The following SULT2A1 variants were observed in gnomAD, a reference collection of about 807,000 sequenced individuals.
SULT2A1 encodes the protein sulfotransferase 2A1.
A neutral mutation model predicts 33.9 loss-of-function variants in SULT2A1; 43 were observed. The observed-to-expected ratio is 1.27, with a 90% CI of 1.00 to 1.64. SULT2A1 has a LOEUF of 1.64. Among genes scored for constraint, SULT2A1 ranks in the 40% most tolerant of loss-of-function variants. The pLI is 0.00. For synonymous variants in SULT2A1, 125 were observed against 113.6 expected (o/e 1.10, Z -0.64); for missense variants, 300 against 335.1 (o/e 0.90, Z 0.82).
intron 1 of SULT2A1, among the ~76,000 whole-genome samples, chr19:47,884,104 C>CA (rs532247197): frequency 0.016 from 1,906 of 116,004 alleles, 26 homozygotes; most frequent in African/African-American, 0.046. Flanking sequence ...GACTCAGTCT[C>CA]AAAAAAAAAA....
intron 5 of SULT2A1, among the ~76,000 whole-genome samples, chr19:47,873,855 C>T (rs1968516988): frequency 6.6e-6 from 1 of 150,942 alleles, no homozygotes; most frequent in South Asian, 2.1e-4. Context: ...GATCTCCTGA[C>T]CTTGTGATCC....
intron 4 of SULT2A1, among the ~76,000 whole-genome samples, chr19:47,876,250 A>C (rs940858182): frequency 2.9e-4 from 44 of 152,154 alleles, no homozygotes; most frequent in African/African-American, 1.0e-3. Context: ...TCCTGAGCTC[A>C]GGTGATCTGC....
At position 47,871,149 on chromosome 19, in the gene SULT2A1, T is replaced by A; in HGVS notation, c.*306A>T. 5.4e-6 allele frequency: 1 copy of A among 185,512 alleles called. No individual in the cohort carries two copies. The allele number at this position is 185,512 out of a possible 1,614,324, so 11.5% of individuals were successfully genotyped here. A position where few individuals can be genotyped will look rare whatever the true frequency, so the allele number is the denominator to read the frequency against. On this transcript the variant is annotated 3_prime_UTR_variant, in exon 6 of 6. Coordinates refer to ENST00000222002, the MANE Select transcript of SULT2A1 (RefSeq NM_003167.4). Reference sequence around the variant, plus strand: ...GACATGAGCCAATGCGCCTGGCTAATTTTTTTTGGTTTTTGTATTTTTAGT... The same window carrying A: ...GACATGAGCCAATGCGCCTGGCTAAATTTTTTTGGTTTTTGTATTTTTAGT...
At chr19:47,884,298 A>G (rs1438048930) in intron 1 of SULT2A1, among the ~76,000 whole-genome samples, 2 of 150,412 alleles carry the variant, frequency 1.3e-5, no homozygotes, top group Non-Finnish European at 3.0e-5. Context: ...CAGCCTCCCA[A>G]GTAGCTGGGA....
intron 3 of SULT2A1, among the ~76,000 whole-genome samples, chr19:47,881,252 T>C (rs1271399903): frequency 6.6e-6 from 1 of 152,034 alleles, no homozygotes. Context: ...GCCAGGCTGG[T>C]CTCGAACTCC....
chr19:47,883,647 C>A lies in SULT2A1; in HGVS notation c.275G>T (p.Ser92Ile), dbSNP rs1260309562. ...IGYTALSETE[S>I]PRLFSSHLPI... Reference sequence around the variant, plus strand: ...GAGGTGGGAGGAGAATAAACGTGGACTCTCCGTTTCACTGAGTGCTGTATA... The same window carrying A: ...GAGGTGGGAGGAGAATAAACGTGGAATCTCCGTTTCACTGAGTGCTGTATA... The change falls in exon 2 of 6, where the codon AGT becomes ATT. Residue 92 changes from serine (S) to isoleucine (I), a missense_variant. By Grantham distance (142) the Ser-to-Ile change is moderately radical. Coordinates refer to ENST00000222002, the MANE Select transcript of SULT2A1 (RefSeq NM_003167.4). 7 of 1,614,066 alleles carry A rather than the reference C, an allele frequency of 4.3e-6. No individual in the cohort carries two copies. The highest frequency in any genetic ancestry group is 5.9e-6 in the Non-Finnish European group (7 of 1,180,014).
At chr19:47,878,924 C>T (rs1422739443) in intron 4 of SULT2A1, 112 bp downstream of exon 4, 1 of 757,678 alleles carries the variant, frequency 1.3e-6, no homozygotes. Flanking sequence ...CTTCACCAGG[C>T]TCCACTTTAA....
chr19:47,871,293 C>T lies in SULT2A1; in HGVS notation c.*162G>A, dbSNP rs983470507. The stretch of plus-strand genomic sequence containing the variant: ...GCATGAACCACCGTGCCTGGCCAAC[C>T]CTGGTAACTTTTAACAAGGAAGGGA... On this transcript the variant is annotated 3_prime_UTR_variant, in exon 6 of 6. Transcript: ENST00000222002. 4.8e-6 allele frequency: 3 copies of T among 621,682 alleles called. No individual in the cohort carries two copies. The highest frequency in any genetic ancestry group is 8.4e-6 in the Non-Finnish European group (3 of 359,268). The allele number at this position is 621,682 out of a possible 1,614,324, so 38.5% of individuals were successfully genotyped here. A position where few individuals can be genotyped will look rare whatever the true frequency, so the allele number is the denominator to read the frequency against.
In SULT2A1 at chr19:47,871,126, C is replaced by T. The variant is rs532942142; in HGVS notation, c.*329G>A. 4 of 190,410 alleles carry T rather than the reference C, an allele frequency of 2.1e-5. No individual in the cohort carries two copies. In the South Asian group the frequency reaches 4.2e-4, roughly 20 times the overall value. 11.8% of individuals were successfully genotyped at this position (190,410 alleles called of 1,614,324 possible). A position where few individuals can be genotyped will look rare whatever the true frequency, so the allele number is the denominator to read the frequency against. ...CCTCCCAAAGTGCTGGGATTACAGA[C>T]ATGAGCCAATGCGCCTGGCTAATTT... is the stretch of plus-strand genomic sequence containing the variant. On this transcript the variant is annotated 3_prime_UTR_variant, in exon 6 of 6. Transcript: ENST00000222002.
chr19:47,877,282 G>T (rs1335664247), intron 4 of SULT2A1, among the ~76,000 whole-genome samples: 1 of 150,520 alleles, frequency 6.6e-6, no homozygotes, highest in East Asian at 2.0e-4. Context: ...TGTTGCCCAG[G>T]CTGGAGTGCA....
Position 47,882,229 on chromosome 19 carries a change from A to AT in SULT2A1, c.346-20_346-19insA. On this transcript the variant is annotated intron_variant, in intron 2 of 5. Transcript: ENST00000222002. ...AAATCACCTTAAATGGAAAAACGGG[A>AT]GAATGAAAAATCAATACAGTCAATC... is the stretch of plus-strand genomic sequence containing the variant. 1 of 1,604,234 alleles carries AT rather than the reference A, an allele frequency of 6.2e-7. No individual in the cohort carries two copies.
At chr19:47,880,655 C>T (rs1300612739) in intron 3 of SULT2A1, among the ~76,000 whole-genome samples, 1 of 151,790 alleles carries the variant, frequency 6.6e-6, no homozygotes, top group Non-Finnish European at 1.5e-5. Flanking sequence ...GGAGTGATCT[C>T]GGCTCGCTGC....
chr19:47,870,915 C>T lies in SULT2A1; in HGVS notation c.*540G>A, dbSNP rs1411373590. On this transcript the variant is annotated 3_prime_UTR_variant, in exon 6 of 6. Coordinates refer to ENST00000222002, the MANE Select transcript of SULT2A1 (RefSeq NM_003167.4). ...CTGGAGTGCAGTGGCGCGATCTTGGCTCATTGCAACCTCTGCCTCCTGAGT... is the reference window on the plus strand; with the variant it reads ...CTGGAGTGCAGTGGCGCGATCTTGGTTCATTGCAACCTCTGCCTCCTGAGT... The T allele has an allele frequency of 6.8e-6, 1 of 147,612 alleles. No individual in the cohort carries two copies. Among genetic ancestry groups the T allele is most frequent in the African/African-American group, 2.4e-5 (1 of 41,090 alleles). The allele number at this position is 147,612 out of a possible 1,614,324, so 9.1% of individuals were successfully genotyped here. A position where few individuals can be genotyped will look rare whatever the true frequency, so the allele number is the denominator to read the frequency against.
intron 4 of SULT2A1, among the ~76,000 whole-genome samples, chr19:47,875,427 C>T (rs941136644): frequency 2.6e-5 from 4 of 151,902 alleles, no homozygotes; most frequent in African/African-American, 7.3e-5. Flanking sequence ...CACTTGAGTC[C>T]GGGAGTTTTA....
At chr19:47,877,805 C>T (rs1968561679) in intron 4 of SULT2A1, among the ~76,000 whole-genome samples, 1 of 152,210 alleles carries the variant, frequency 6.6e-6, no homozygotes, top group Non-Finnish European at 1.5e-5. Context: ...CCTGCCTTCA[C>T]CTCCCCAGTG....
At chr19:47,871,601 A>G in intron 5 of SULT2A1, 34 bp from the exon 6 acceptor site, 5 of 1,419,898 alleles carry the variant, frequency 3.5e-6, no homozygotes, top group Non-Finnish European at 4.0e-6. Context: ...AGGTCAGACC[A>G]CACATCTCCT....
intron 4 of SULT2A1, among the ~76,000 whole-genome samples, chr19:47,875,912 T>G (rs1968539491): frequency 6.6e-6 from 1 of 152,210 alleles, no homozygotes; most frequent in Non-Finnish European, 1.5e-5. Flanking sequence ...AACTAGCTTT[T>G]GAATAACACA....
chr19:47,874,983 G>A (rs1226745679), intron 4 of SULT2A1, 149 bp from the exon 5 acceptor site: 6 of 639,824 alleles, frequency 9.4e-6, no homozygotes, highest in African/African-American at 9.2e-5. Flanking sequence ...CCAACGTGGT[G>A]AAACCCCATC....
chr19:47,883,910 A>T (rs141209243), intron 1 of SULT2A1, 125 bp from the exon 2 acceptor site: 1 of 823,666 alleles, frequency 1.2e-6, no homozygotes, highest in East Asian at 2.7e-5. Context: ...GTTCCAGAAT[A>T]GCCTGGCCAA....
Sources: allele counts gnomAD v4.1 joint callset (sites outside exome capture counted in the v4.1 genomes callset), GRCh38; gene constraint gnomAD v4.1.1; transcripts MANE v1.5; gene names NCBI Gene and HGNC (gene_info 2026-07-23, HGNC 2026-07-21).